The following DNAH14 variants were observed in gnomAD, a reference collection of about 807,000 sequenced individuals.
The protein encoded by DNAH14 is dynein axonemal heavy chain 14.
Under a neutral mutation model 520.9 loss-of-function variants are expected in DNAH14, and 478 were observed. The ratio of observed to expected loss-of-function variants is 0.92; its 90% CI spans 0.85 to 0.99. The LOEUF (loss-of-function observed/expected upper bound fraction) is 0.99. Among genes scored for constraint, DNAH14 ranks in the 50% least tolerant of loss-of-function variants. DNAH14 has a pLI of 0.00. For missense variants in DNAH14, 4,831 were observed against 5,234.5 expected, an observed-to-expected ratio of 0.92 and a Z score of 2.38; for synonymous variants, 1,581 against 1,757.2, an observed-to-expected ratio of 0.90 and a Z score of 2.51.
rs1486151425 is a variant in DNAH14 at position 225,363,908 on chromosome 1, C to T, written c.11988-884C>T. On this transcript the variant is annotated intron_variant, in intron 75 of 85. Coordinates refer to ENST00000682510, the MANE Select transcript of DNAH14 (RefSeq NM_001367479.1). Reference sequence around the variant, plus strand: ...GGCCTAACTACCTAGTACGAGTCAGCAATACCTTAACATTTTCTGAAATTT... The same window carrying T: ...GGCCTAACTACCTAGTACGAGTCAGTAATACCTTAACATTTTCTGAAATTT... 2.6e-5 allele frequency among the ~76,000 whole-genome samples: 4 copies of T among 152,156 alleles called. No homozygotes were observed. The East Asian group carries it at 7.7e-4, about 29-fold the overall frequency.
chr1:225,042,785 C>A, intron 12 of DNAH14, 50 bp from the exon 13 acceptor site: 2 of 1,496,426 alleles, frequency 1.3e-6, no homozygotes, highest in Non-Finnish European at 1.8e-6. Context: ...ATTAAATGTT[C>A]TGTAAGTTAT....
At chr1:225,096,256 A>G (rs1399045522) in intron 21 of DNAH14, among the ~76,000 whole-genome samples, 2 of 152,160 alleles carry the variant, frequency 1.3e-5, no homozygotes, top group East Asian at 3.9e-4. Flanking sequence ...TGCTGGGATT[A>G]CAGGTGTGAG....
intron 8 of DNAH14, among the ~76,000 whole-genome samples, chr1:224,989,304 A>C (rs1189952319): frequency 6.6e-6 from 1 of 152,208 alleles, no homozygotes. Context: ...TGTTAGATTT[A>C]TGTCTATTTC....
intron 17 of DNAH14, among the ~76,000 whole-genome samples, chr1:225,074,193 G>T (rs1258421348): frequency 2.0e-5 from 3 of 149,034 alleles, no homozygotes; most frequent in Non-Finnish European, 4.4e-5. Flanking sequence ...TAGAGACGGG[G>T]TTTCACCGTT....
At chr1:225,049,769 T>TCTAC (rs770268345) in intron 15 of DNAH14, among the ~76,000 whole-genome samples, 1 of 116,290 alleles carries the variant, frequency 8.6e-6, no homozygotes, top group Non-Finnish European at 1.9e-5. Context: ...TGTCTATCTA[T>TCTAC]CTACCTATCT....
rs1158965545 is a variant in DNAH14, at chr1:225,338,171, T to G, written c.10422T>G (p.Asn3474Lys). 1.3e-6 allele frequency: 2 copies of G among 1,551,828 alleles called. No homozygotes were observed. The highest frequency in any genetic ancestry group is 3.9e-5 in the Admixed American group (2 of 50,946). The change falls in exon 68 of 86, where the codon AAT becomes AAG. Residue 3474 changes from asparagine (N) to lysine (K), a missense_variant. Transcript: ENST00000682510. ...TTGGTGATGCTGAGTTCGAATACAATTCAAATTTTAGGTAATGTGCCACAG... is the reference window on the plus strand; with the variant it reads ...TTGGTGATGCTGAGTTCGAATACAAGTCAAATTTTAGGTAATGTGCCACAG... ...IRVGDAEFEY[N>K]SNFRLYLSTE...
intron 64 of DNAH14, among the ~76,000 whole-genome samples, chr1:225,327,517 G>T (rs1429100241): frequency 1.3e-5 from 2 of 152,062 alleles, no homozygotes; most frequent in African/African-American, 4.8e-5. Context: ...AGAGAAATCA[G>T]AAAATACTTA....
chr1:225,238,150 G>A (rs747638040), intron 42 of DNAH14, among the ~76,000 whole-genome samples: 3 of 152,156 alleles, frequency 2.0e-5, no homozygotes, highest in Non-Finnish European at 4.4e-5. Flanking sequence ...CTAGTTTTGT[G>A]CCTTTGCTGG....
At chr1:225,086,019 G>A (rs1007783863) in intron 21 of DNAH14, among the ~76,000 whole-genome samples, 7 of 151,862 alleles carry the variant, frequency 4.6e-5, no homozygotes, top group African/African-American at 1.7e-4. Flanking sequence ...GATAAATTTA[G>A]ATCATAGAAA....
chr1:225,382,437 G>C (rs577548548), intron 81 of DNAH14, among the ~76,000 whole-genome samples: 2 of 152,058 alleles, frequency 1.3e-5, no homozygotes, highest in African/African-American at 4.8e-5. Context: ...CCGGGCACAG[G>C]GCCTCATGCT....
At chr1:225,042,592 A>G (rs1243541759) in intron 12 of DNAH14, among the ~76,000 whole-genome samples, 1 of 152,170 alleles carries the variant, frequency 6.6e-6, no homozygotes, top group East Asian at 1.9e-4. Context: ...GACTAGGACT[A>G]ATGATATACT....
At chr1:225,257,887 C>CAAA (rs35313445) in intron 44 of DNAH14, 73 bp from the exon 45 acceptor site, 275 of 957,400 alleles carry the variant, frequency 2.9e-4, no homozygotes, top group African/African-American at 7.6e-4. Flanking sequence ...ATCCTAATGA[C>CAAA]AAAAAAAAAA....
chr1:225,013,291 A>G (rs774963233), intron 10 of DNAH14, among the ~76,000 whole-genome samples: 28 of 152,162 alleles, frequency 1.8e-4, no homozygotes, highest in African/African-American at 6.0e-4. Context: ...GGTATCACCA[A>G]TGGAGGCTGC....
intron 15 of DNAH14, among the ~76,000 whole-genome samples, chr1:225,047,398 G>A (rs2068060578): frequency 1.3e-5 from 2 of 152,142 alleles, no homozygotes; most frequent in Admixed American, 1.3e-4. Context: ...AGTCCCATAA[G>A]ATTATAATAC....
At position 224,957,900 on chromosome 1, in the gene DNAH14, A is replaced by G. The variant is rs2060613152; in HGVS notation, c.218-2253A>G. Among the ~76,000 whole-genome samples, 5 of 152,164 alleles carry G rather than the reference A, an allele frequency of 3.3e-5. No individual in the cohort carries two copies. The South Asian group carries it at 1.0e-3, about 32-fold the overall frequency. ...AGGCAGGATGTAGACTGATAACCAG[A>G]GGAGCTGTGGTTTTATTTGAGGCAG... On this transcript the variant is annotated intron_variant, in intron 3 of 85. Transcript: ENST00000682510.
chr1:225,034,159 T>C (rs2456327), intron 11 of DNAH14, among the ~76,000 whole-genome samples: 52,087 of 152,044 alleles, frequency 0.34, 10,665 homozygotes, highest in Middle Eastern at 0.51. Flanking sequence ...GGGGGATGCT[T>C]CTAGCTTTTG....
intron 23 of DNAH14, among the ~76,000 whole-genome samples, chr1:225,105,181 T>C (rs1055452584): frequency 1.7e-4 from 26 of 152,180 alleles, no homozygotes; most frequent in Admixed American, 2.0e-4. Flanking sequence ...TCCTTTTCCA[T>C]GTGGTTGAGC....
chr1:225,152,031 G>A lies in DNAH14; in HGVS notation c.4967G>A (p.Arg1656His), dbSNP rs772922279. ...ARFVLEGKEI[R>H]INMSCAVFIT... ...TTTGTACTGGAAGGAAAAGAAATTC[G>A]TATCAATATGTCTTGTGCGGTATTT... Residue 1656 changes from arginine (R) to histidine (H), a missense_variant, in exon 32 of 86, where the codon CGT becomes CAT. By Grantham distance (29) the Arg-to-His change is conservative (BLOSUM62 0). Coordinates refer to ENST00000682510, the MANE Select transcript of DNAH14 (RefSeq NM_001367479.1). 4.7e-5 allele frequency: 73 copies of A among 1,551,440 alleles called. No individual in the cohort carries two copies. Among genetic ancestry groups the A allele is most frequent in the Non-Finnish European group, 5.5e-5 (63 of 1,146,920 alleles).
intron 1 of DNAH14, among the ~76,000 whole-genome samples, chr1:224,946,155 C>G (rs765239717): frequency 3.3e-5 from 5 of 152,202 alleles, no homozygotes; most frequent in South Asian, 2.1e-4. Context: ...TGGGAGCTTC[C>G]TGGCTGCTTT....
Sources: allele counts gnomAD v4.1 joint callset (sites outside exome capture counted in the v4.1 genomes callset), GRCh38; gene constraint gnomAD v4.1.1; transcripts MANE v1.5; gene names NCBI Gene and HGNC (gene_info 2026-07-23, HGNC 2026-07-21).